The following EPG5 variants were observed in gnomAD, a reference collection of about 807,000 sequenced individuals.
The protein encoded by EPG5 is ectopic P-granules 5 autophagy tethering factor.
EPG5 carries 159 observed loss-of-function variants against 302.7 expected under a neutral mutation model. The observed-to-expected ratio is 0.53, with a 90% confidence interval of 0.46 to 0.60. The LOEUF is 0.60. Ranked by LOEUF, EPG5 falls within the 20% of genes least tolerant of loss-of-function variation. EPG5 has a pLI of 0.00. For synonymous variants in EPG5, 1,158 were observed against 1,136.8 expected (o/e 1.02, Z -0.37); for missense variants, 2,896 against 3,092.4 (o/e 0.94, Z 1.51).
At position 45,967,288 on chromosome 18, in the gene EPG5, C is replaced by T. The variant is rs1020766427; in HGVS notation, c.-49G>A. On this transcript the variant is annotated 5_prime_UTR_variant, in exon 1 of 44. Transcript: ENST00000282041. ...CGTTTGTTTTTGTCAAACCCCTGCG[C>T]TTCAAGCAACCTGCCCGGTTCTGGC... 2 of 1,513,016 alleles carry T rather than the reference C, an allele frequency of 1.3e-6. No individual in the cohort carries two copies. The highest frequency in any genetic ancestry group is 2.8e-5 in the African/African-American group (2 of 71,754). The allele number at this position is 1,513,016 out of a possible 1,614,324, so 93.7% of individuals were successfully genotyped here.
Position 45,882,553 on chromosome 18 carries a change from G to T in EPG5, c.5305-66C>A, listed in dbSNP as rs191745852. Reference sequence around the variant, plus strand: ...AGAAAAATAGTTTAAGAGGAGAGAGGTCTGTGTAAATTTAGTTTAAAAGCC... The same window carrying T: ...AGAAAAATAGTTTAAGAGGAGAGAGTTCTGTGTAAATTTAGTTTAAAAGCC... On this transcript the variant is annotated intron_variant, in intron 30 of 43. Transcript: ENST00000282041. The T allele has an allele frequency of 5.2e-6, 7 of 1,358,268 alleles. No homozygotes were observed. The Admixed American group carries it at 1.7e-4, about 33-fold the overall frequency. 84.1% of individuals were successfully genotyped at this position (1,358,268 alleles called of 1,614,324 possible).
chr18:45,852,748 G>C, intron 43 of EPG5, 99 bp from the exon 44 acceptor site: 5 of 1,076,842 alleles, frequency 4.6e-6, no homozygotes, highest in Non-Finnish European at 6.8e-6. Flanking sequence ...CTTCAACTGT[G>C]AGCCTTGTGG....
chr18:45,809,355 C>A, the EPG5 span, among the ~76,000 whole-genome samples: 1 of 152,076 alleles, frequency 6.6e-6, no homozygotes, highest in Non-Finnish European at 1.5e-5. Flanking sequence ...TTAAACTATA[C>A]CCTAGAACAA....
the EPG5 span, chr18:45,838,968 C>T: frequency 1.2e-6 from 2 of 1,603,722 alleles, no homozygotes; most frequent in Admixed American, 1.7e-5. Flanking sequence ...CCGAGGCCAG[C>T]GTCTACCTGT....
intron 27 of EPG5, among the ~76,000 whole-genome samples, chr18:45,896,639 C>A (rs186445343): frequency 2.0e-5 from 3 of 147,814 alleles, no homozygotes; most frequent in Non-Finnish European, 4.6e-5. Flanking sequence ...GGACCTCCTG[C>A]GGTTAAGTGA....
At chr18:45,837,738 G>A in the EPG5 span, 51 of 1,508,614 alleles carry the variant, frequency 3.4e-5, no homozygotes, top group Non-Finnish European at 4.4e-5. Context: ...CTGCACGGCC[G>A]CTTCCGGCTG....
At chr18:45,828,486 C>T in the EPG5 span, among the ~76,000 whole-genome samples, 1 of 152,134 alleles carries the variant, frequency 6.6e-6, no homozygotes, top group African/African-American at 2.4e-5. Flanking sequence ...GAGCTCCAAC[C>T]ACCCGAGTGA....
At chr18:45,834,496 G>T in the EPG5 span, among the ~76,000 whole-genome samples, 2 of 152,228 alleles carry the variant, frequency 1.3e-5, no homozygotes, top group African/African-American at 4.8e-5. Flanking sequence ...CTGTAGGAAA[G>T]ACTCAGTGGA....
downstream of EPG5, chr18:45,843,715 C>G (rs990986796): frequency 1.3e-5 from 2 of 152,144 alleles, no homozygotes; most frequent in African/African-American, 2.4e-5. Context: ...TCTGTCTCTA[C>G]TAAAAATACA....
At chr18:45,823,264 GT>G in the EPG5 span, among the ~76,000 whole-genome samples, 2 of 152,128 alleles carry the variant, frequency 1.3e-5, no homozygotes, top group African/African-American at 4.8e-5. Context: ...TGGTCCTGAG[GT>G]TTTAAGGAAA....
At chr18:45,802,376 C>T in the EPG5 span, among the ~76,000 whole-genome samples, 10 of 152,034 alleles carry the variant, frequency 6.6e-5, no homozygotes, top group South Asian at 2.1e-4. Context: ...AAAAATTAGC[C>T]GGGCATGATG....
At position 45,954,755 on chromosome 18, in the gene EPG5, T is replaced by C. The variant is rs764617680; in HGVS notation, c.647A>G (p.Tyr216Cys). 9 of 1,613,828 alleles carry C rather than the reference T, an allele frequency of 5.6e-6. No individual in the cohort carries two copies. The South Asian group carries it at 9.9e-5, about 18-fold the overall frequency. ...AGCAATTTCAGCTGGCAACTGGGGA[T>C]ACAGTTTCTTCACTCTAGGTGTCTG... Reference protein sequence around the residue: ...GFQTPRVKKLYPQLPAEIAGE... With the variant: ...GFQTPRVKKLCPQLPAEIAGE... Residue 216 changes from tyrosine (Y) to cysteine (C), a missense_variant, in exon 2 of 44, where the codon TAT becomes TGT. Physicochemically the swap from Tyr to Cys is radical, Grantham distance 194 (BLOSUM62 -2). Around this residue, in one of 5 missense-constraint regions of EPG5, gnomAD observed 1,390 missense variants for 1,430.0 expected, o/e 0.97. Coordinates refer to ENST00000282041, the MANE Select transcript of EPG5 (RefSeq NM_020964.3).
chr18:45,813,147 CTA>C, the EPG5 span, among the ~76,000 whole-genome samples: 2 of 152,116 alleles, frequency 1.3e-5, no homozygotes, highest in Non-Finnish European at 2.9e-5. Flanking sequence ...TTTATGCAGC[CTA>C]AAGACACATG....
At chr18:45,859,586 G>A (rs1380188717) in intron 40 of EPG5, among the ~76,000 whole-genome samples, 2 of 152,162 alleles carry the variant, frequency 1.3e-5, no homozygotes, top group Non-Finnish European at 2.9e-5. Flanking sequence ...ACAGTTTAGA[G>A]GTAGAAAGTA....
Position 45,915,638 on chromosome 18 carries a change from G to A in EPG5, c.3583-17C>T. On this transcript the variant is annotated splice_polypyrimidine_tract_variant and intron_variant, in intron 19 of 43. Coordinates refer to ENST00000282041, the MANE Select transcript of EPG5 (RefSeq NM_020964.3). ...CAAGGCATTCTACACCGGGAGATGTGGAGCAGAGAGAGGAGGTTTTAAGGA... is the reference window on the plus strand; with the variant it reads ...CAAGGCATTCTACACCGGGAGATGTAGAGCAGAGAGAGGAGGTTTTAAGGA... 1.9e-6 allele frequency: 3 copies of A among 1,589,582 alleles called. No individual in the cohort carries two copies.
chr18:45,879,879 A>G (rs753969560), intron 32 of EPG5, among the ~76,000 whole-genome samples, 196 bp downstream of exon 32: 2 of 152,160 alleles, frequency 1.3e-5, no homozygotes, highest in Non-Finnish European at 1.5e-5. Flanking sequence ...TCTTGGATAC[A>G]TGGGCAAGAA....
chr18:45,896,297 T>C (rs2074449888), intron 27 of EPG5, among the ~76,000 whole-genome samples: 1 of 152,220 alleles, frequency 6.6e-6, no homozygotes, highest in South Asian at 2.1e-4. Context: ...CTAGGAGCCA[T>C]CAGTGAGGGA....
Position 45,912,343 on chromosome 18 carries a change from G to A in EPG5, c.3930C>T (p.Leu1310=), listed in dbSNP as rs2145683028. The change falls in exon 22 of 44, where the codon CTC becomes CTT. Residue 1310 remains leucine (L), a synonymous_variant. Transcript: ENST00000282041. ...VTPSDHPLLP[L]IWQKFFLLYL... Reference sequence around the variant, plus strand: ...ACAGAAGGAAGAACTTCTGCCAAATGAGTGGCAGGAGGGGGTGATCAGAAG... The same window carrying A: ...ACAGAAGGAAGAACTTCTGCCAAATAAGTGGCAGGAGGGGGTGATCAGAAG... 6.2e-7 allele frequency: 1 copy of A among 1,610,776 alleles called. No homozygotes were observed. The highest frequency in any genetic ancestry group is 1.7e-5 in the Admixed American group (1 of 59,034).
intron 13 of EPG5, among the ~76,000 whole-genome samples, chr18:45,926,386 T>C (rs1398094525): frequency 6.6e-6 from 1 of 152,132 alleles, no homozygotes; most frequent in Non-Finnish European, 1.5e-5. Flanking sequence ...ATAGCTATTG[T>C]TAAAACTTGA....
Sources: gnomAD v4.1 joint callset for allele counts (sites outside exome capture counted in the v4.1 genomes callset) on GRCh38, gnomAD v4.1.1 for gene constraint, gnomAD v4.1.1 regional missense constraint, MANE v1.5 for transcripts, NCBI Gene and HGNC (gene_info 2026-07-23, HGNC 2026-07-21) for gene names.